KAT6A: variants seen among roughly 807,000 people sequenced by gnomAD.
KAT6A encodes lysine acetyltransferase 6A.
In KAT6A, 9 loss-of-function variants were observed where a neutral mutation model predicts 198.4. The ratio of observed to expected loss-of-function variants is 0.05; its 90% CI spans 0.03 to 0.08. The LOEUF (loss-of-function observed/expected upper bound fraction) is 0.08, where lower values mean the gene tolerates loss of function less well. KAT6A is among the 10% of genes least tolerant of loss of function. The pLI is 1.00. For missense variants in KAT6A, 2,077 were observed against 2,509.9 expected, an observed-to-expected ratio of 0.83 and a Z score of 3.69; for synonymous variants, 890 against 883.0, an observed-to-expected ratio of 1.01 and a Z score of -0.14.
At chr8:41,995,954 G>A (rs1825182754) in intron 2 of KAT6A, among the ~76,000 whole-genome samples, 1 of 152,040 alleles carries the variant, frequency 6.6e-6, no homozygotes, top group Non-Finnish European at 1.5e-5. Flanking sequence ...GGGATTACAG[G>A]AGTGAGCCAC....
At chr8:41,974,512 C>G in intron 8 of KAT6A, 192 bp downstream of exon 8, 1 of 416,190 alleles carries the variant, frequency 2.4e-6, no homozygotes, top group Non-Finnish European at 4.3e-6. Context: ...ATGTGCTTAT[C>G]TGCAAAACCA....
rs746506090 is a variant in KAT6A, at chr8:41,933,337, G to A, written c.4883C>T (p.Ala1628Val). 6.3e-7 allele frequency: 1 copy of A among 1,576,080 alleles called. No homozygotes were observed. The highest frequency in any genetic ancestry group is 1.2e-5 in the South Asian group (1 of 86,318). The change falls in exon 17 of 17, where the codon GCC becomes GTC. Residue 1628 changes from alanine (A) to valine (V), a missense_variant. Coordinates refer to ENST00000265713, the MANE Select transcript of KAT6A (RefSeq NM_006766.5). The surrounding 1 kb of genome is among the most constrained non-coding windows in gnomAD (Gnocchi z 6.2). The stretch of plus-strand genomic sequence containing the variant: ...CTGAGGTGACTTGATGCTGCAGTTG[G>A]CAGCAGGCTGGACGCTGCTCTGCTG... ...MMQQSSVQPAANCSIKSPQSC... is the reference protein window; with the variant it reads ...MMQQSSVQPAVNCSIKSPQSC...
chr8:41,976,173 C>A (rs898715446), intron 7 of KAT6A, among the ~76,000 whole-genome samples: 3 of 152,178 alleles, frequency 2.0e-5, no homozygotes, highest in African/African-American at 7.2e-5. Context: ...AGGAGACATT[C>A]AGGGAGGAAA....
At chr8:42,038,835 T>C (rs1827499784) in intron 2 of KAT6A, among the ~76,000 whole-genome samples, 4 of 151,648 alleles carry the variant, frequency 2.6e-5, no homozygotes, top group Admixed American at 2.6e-4. Context: ...CTTAGCAGTC[T>C]TTTTTTTTCT....
At chr8:41,941,793 T>C (rs1822154089) in intron 14 of KAT6A, among the ~76,000 whole-genome samples, 1 of 152,206 alleles carries the variant, frequency 6.6e-6, no homozygotes, top group African/African-American at 2.4e-5. Context: ...AGAGCCTATG[T>C]TCTGAATCTT....
At position 42,048,665 on chromosome 8, in the gene KAT6A, G is replaced by C. The variant is rs776569305; in HGVS notation, c.313C>G (p.Arg105Gly). The change falls in exon 2 of 17, where the codon CGG becomes GGG. Residue 105 changes from arginine to glycine, a missense_variant. Arg to Gly is a moderately radical substitution (Grantham distance 125). Around this residue, in one of 13 missense-constraint regions of KAT6A, gnomAD observed 185 missense variants for 185.7 expected, o/e 1.00. Transcript: ENST00000265713. ...QNVDWNKLIK[R>G]AVEGLAESGG... ...GACTCTGCCAAGCCCTCAACTGCCC[G>C]CTTTATCAGTTTATTCCAATCCACA... The C allele has an allele frequency of 1.2e-6, 2 of 1,614,010 alleles. No individual in the cohort carries two copies. The highest frequency in any genetic ancestry group is 1.7e-6 in the Non-Finnish European group (2 of 1,180,024).
rs1826919196 is a variant in KAT6A, at chr8:42,027,979, A to G, written c.600+20399T>C. On this transcript the variant is annotated intron_variant, in intron 2 of 16. Transcript: ENST00000265713. The stretch of plus-strand genomic sequence containing the variant: ...CCATTTGTTGTAAGAAATTTTTTTT[A>G]TTTCATTCTTAGTATCTTCATTGAC... Among the ~76,000 whole-genome samples the G allele has an allele frequency of 2.0e-5, 3 of 151,796 alleles. No individual in the cohort carries two copies. The South Asian group carries it at 6.2e-4, about 32-fold the overall frequency.
In KAT6A at chr8:41,969,849, C is replaced by A. The variant is rs559556641; in HGVS notation, c.1482+4855G>T. 2.0e-5 allele frequency among the ~76,000 whole-genome samples: 3 copies of A among 152,292 alleles called. No individual in the cohort carries two copies. In the South Asian group the frequency reaches 6.2e-4, roughly 32 times the overall value. ...CTTAAGTTTATCAACCTCTTTCACA[C>A]CCTTAGACGTTTACATAGGCAATCC... On this transcript the variant is annotated intron_variant, in intron 8 of 16. Coordinates refer to ENST00000265713, the MANE Select transcript of KAT6A (RefSeq NM_006766.5).
chr8:41,932,241 G>A lies in KAT6A; in HGVS notation c.5979C>T (p.Pro1993=). The A allele has an allele frequency of 2.5e-6, 4 of 1,611,256 alleles. No homozygotes were observed. Among genetic ancestry groups the A allele is most frequent in the African/African-American group, 1.3e-5 (1 of 74,950 alleles). Residue 1993 remains proline, a synonymous_variant, in exon 17 of 17, where the codon CCC becomes CCT. Transcript: ENST00000265713. ...TGTAAGGTCCGTTGAGTGACTGCTT[G>A]GGCACGCCAGCAGCGTTCATGTAGC... The part of the protein sequence containing the change: ...HHSYMNAAGV[P]KQSLNGPYMR...
In KAT6A at chr8:41,933,445, A is replaced by C; in HGVS notation, c.4775T>G (p.Leu1592Arg). ...SSQSSCSYGG[L>R]SSSSSLTQSS... ...CTGGGTGAGGCTGCTGGAGGACGAC[A>C]GCCCACCGTAGGAGCAGCTGCTCTG... is the stretch of plus-strand genomic sequence containing the variant. Residue 1592 changes from leucine (L) to arginine (R), a missense_variant, in exon 17 of 17, where the codon CTG (leucine) becomes CGG (arginine). Physicochemically the swap from Leu to Arg is moderately radical, Grantham distance 102 (BLOSUM62 -2). Around this residue, in one of 13 missense-constraint regions of KAT6A, gnomAD observed 500 missense variants for 577.2 expected, o/e 0.87. Coordinates refer to ENST00000265713, the MANE Select transcript of KAT6A (RefSeq NM_006766.5). The surrounding 1 kb of genome is among the most constrained non-coding windows in gnomAD (Gnocchi z 6.2). The C allele has an allele frequency of 3.1e-6, 5 of 1,612,774 alleles. No homozygotes were observed. Among genetic ancestry groups the C allele is most frequent in the Non-Finnish European group, 4.2e-6 (5 of 1,179,322 alleles).
At chr8:41,957,971 C>G (rs955315904) in intron 8 of KAT6A, 1 of 152,392 alleles carries the variant, frequency 6.6e-6, no homozygotes, top group African/African-American at 2.4e-5. Context: ...CCCCATCTGT[C>G]CACTGGAGCG....
chr8:42,041,982 C>T (rs1827692033), intron 2 of KAT6A, among the ~76,000 whole-genome samples: 1 of 152,062 alleles, frequency 6.6e-6, no homozygotes, highest in South Asian at 2.1e-4. Context: ...TATTTATTGC[C>T]TTTTTATACA....
intron 2 of KAT6A, among the ~76,000 whole-genome samples, chr8:42,013,097 G>A (rs760013894): frequency 6.6e-6 from 1 of 151,226 alleles, no homozygotes; most frequent in African/African-American, 2.4e-5. Flanking sequence ...GTGGATAATG[G>A]ATCTTTCCTA....
intron 2 of KAT6A, among the ~76,000 whole-genome samples, chr8:42,022,630 G>A (rs978692152): frequency 2.6e-5 from 4 of 152,134 alleles, no homozygotes; most frequent in African/African-American, 9.7e-5. Flanking sequence ...TCACATACTG[G>A]TGATGACTCT....
At chr8:41,964,200 G>C (rs1823344565) in intron 8 of KAT6A, among the ~76,000 whole-genome samples, 1 of 151,946 alleles carries the variant, frequency 6.6e-6, no homozygotes, top group Non-Finnish European at 1.5e-5. Flanking sequence ...TATAACTCTA[G>C]GTAAAACAAT....
Position 41,949,245 on chromosome 8 carries a change from T to G in KAT6A, c.1717A>C (p.Lys573Gln). The change falls in exon 10 of 17, where the codon AAG (lysine) becomes CAG (glutamine). Residue 573 changes from lysine to glutamine, a missense_variant. This residue lies in a region of KAT6A where 46 missense variants were observed against 88.2 expected (regional missense o/e 0.52). Transcript: ENST00000265713. ...ACCTCAAAGACAGAAATATTATTCT[T>G]TCTGTAAATCTCATTGGCAGGAGGA... ...FHPPANEIYR[K>Q]NNISVFEVDG... 1.3e-6 allele frequency: 2 copies of G among 1,532,812 alleles called. No homozygotes were observed. Among genetic ancestry groups the G allele is most frequent in the Non-Finnish European group, 1.8e-6 (2 of 1,141,658 alleles). 95.0% of individuals were successfully genotyped at this position (1,532,812 alleles called of 1,614,324 possible).
chr8:41,930,258 G>A lies in KAT6A; in HGVS notation c.*1947C>T, dbSNP rs1003833920. 3.1e-4 allele frequency: 5 copies of A among 16,094 alleles called. No individual in the cohort carries two copies. Among genetic ancestry groups the A allele is most frequent in the East Asian group, 5.8e-4 (1 of 1,722 alleles). 1.0% of individuals were successfully genotyped at this position (16,094 alleles called of 1,614,324 possible). ...ATATACCTCCCTCCCGACCCACCCC[G>A]TCCCCACCCCAACCAGGAAGCAATG... On this transcript the variant is annotated 3_prime_UTR_variant, in exon 17 of 17. Coordinates refer to ENST00000265713, the MANE Select transcript of KAT6A (RefSeq NM_006766.5).
At chr8:41,982,399 T>TTA (rs1386057887) in intron 3 of KAT6A, among the ~76,000 whole-genome samples, 2 of 152,184 alleles carry the variant, frequency 1.3e-5, no homozygotes, top group African/African-American at 2.4e-5. Flanking sequence ...ATGTCTCAGT[T>TTA]TATACCCTTT....
rs771738778 is a variant in KAT6A at position 41,932,169 on chromosome 8, T to C, written c.*36A>G. The C allele has an allele frequency of 7.9e-5, 117 of 1,473,768 alleles. No individual in the cohort carries two copies. Among genetic ancestry groups the C allele is most frequent in the Non-Finnish European group, 1.1e-4 (117 of 1,110,666 alleles). 91.3% of individuals were successfully genotyped at this position (1,473,768 alleles called of 1,614,324 possible). ...TCAGTATAAAAGGTTCCTTTATTTA[T>C]ATATATTTAAGTTTTTGATTGCAAG... is the stretch of plus-strand genomic sequence containing the variant. On this transcript the variant is annotated 3_prime_UTR_variant, in exon 17 of 17. Coordinates refer to ENST00000265713, the MANE Select transcript of KAT6A (RefSeq NM_006766.5).
Sources: gnomAD v4.1 joint callset for allele counts (sites outside exome capture counted in the v4.1 genomes callset) on GRCh38, gnomAD v4.1.1 for gene constraint, gnomAD v4.1.1 regional missense constraint, Gnocchi (gnomAD v3.1) non-coding constraint, MANE v1.5 for transcripts, NCBI Gene and HGNC (gene_info 2026-07-23, HGNC 2026-07-21) for gene names.